The following P2RY14 variants were observed in gnomAD, a reference collection of about 807,000 sequenced individuals.
The protein encoded by P2RY14 is P2Y purinoceptor 14.
Under a neutral mutation model 0.9 loss-of-function variants are expected in P2RY14, and 2 were observed. The ratio of observed to expected loss-of-function variants is 2.16; its 90% CI spans 0.88 to 6.79. The LOEUF is 6.79. Among genes scored for constraint, P2RY14 ranks in the 30% most tolerant of loss-of-function variants. The pLI is 0.05. For synonymous variants in P2RY14, 158 were observed against 147.2 expected (o/e 1.07, Z -0.53); for missense variants, 378 against 400.1 (o/e 0.94, Z 0.47).
intron 1 of P2RY14, among the ~76,000 whole-genome samples, chr3:151,268,958 G>A (rs1170349265): frequency 1.3e-5 from 2 of 152,178 alleles, no homozygotes. Flanking sequence ...CGAGAAAGAA[G>A]AATTGTGGTC....
intron 1 of P2RY14, among the ~76,000 whole-genome samples, chr3:151,246,061 A>G (rs1180111918): frequency 1.3e-5 from 2 of 151,800 alleles, no homozygotes; most frequent in Non-Finnish European, 2.9e-5. Context: ...TCCAACTTAC[A>G]AGGGATGTGA....
intron 1 of P2RY14, among the ~76,000 whole-genome samples, chr3:151,251,292 T>G (rs933673805): frequency 1.3e-5 from 2 of 152,170 alleles, no homozygotes; most frequent in African/African-American, 4.8e-5. Context: ...TCTCAATTTG[T>G]GATAATACCA....
At chr3:151,227,064 G>C (rs1345533593) in intron 1 of P2RY14, among the ~76,000 whole-genome samples, 1 of 152,312 alleles carries the variant, frequency 6.6e-6, no homozygotes, top group South Asian at 2.1e-4. Context: ...GTGAGCTCAA[G>C]ATCAGGTCAC....
chr3:151,238,058 G>T (rs755929713), intron 1 of P2RY14, among the ~76,000 whole-genome samples: 1 of 151,960 alleles, frequency 6.6e-6, no homozygotes, highest in Admixed American at 6.6e-5. Context: ...TCAAATTATC[G>T]TTTTTTTCTT....
In P2RY14 at chr3:151,277,039, G is replaced by A. The variant is rs527861947; in HGVS notation, c.-133+1248C>T. Among the ~76,000 whole-genome samples, 8 of 152,212 alleles carry A rather than the reference G, an allele frequency of 5.3e-5. No homozygotes were observed. In the East Asian group the frequency reaches 1.5e-3, roughly 29 times the overall value. On this transcript the variant is annotated intron_variant, in intron 1 of 2. Coordinates refer to ENST00000309170, the MANE Select transcript of P2RY14 (RefSeq NM_014879.4). ...AGCCTCCTGAGTACCTGGGATTACA[G>A]GCATGCACCACTACCACCCAGCTAA...
intron 1 of P2RY14, among the ~76,000 whole-genome samples, chr3:151,239,698 C>T (rs1368670933): frequency 6.6e-6 from 1 of 152,102 alleles, no homozygotes; most frequent in African/African-American, 2.4e-5. Flanking sequence ...AAAAGGGATC[C>T]TGAGACCAAA....
intron 1 of P2RY14, among the ~76,000 whole-genome samples, chr3:151,252,780 C>G (rs1737093375): frequency 1.3e-5 from 2 of 152,062 alleles, no homozygotes; most frequent in Non-Finnish European, 2.9e-5. Flanking sequence ...AACTTATCTA[C>G]TAACTAGATA....
At chr3:151,269,815 A>C in intron 1 of P2RY14, 1 of 430,924 alleles carries the variant, frequency 2.3e-6, no homozygotes, top group South Asian at 1.7e-5. Flanking sequence ...AAAGGATATA[A>C]TGAAAACGTT....
chr3:151,234,455 A>G (rs1313707191), intron 1 of P2RY14, among the ~76,000 whole-genome samples: 2 of 152,234 alleles, frequency 1.3e-5, no homozygotes, highest in Non-Finnish European at 2.9e-5. Context: ...AAAATATTGC[A>G]TCCTACTGAA....
At chr3:151,225,958 C>A (rs894118541) in intron 1 of P2RY14, among the ~76,000 whole-genome samples, 1 of 152,160 alleles carries the variant, frequency 6.6e-6, no homozygotes, top group Non-Finnish European at 1.5e-5. Context: ...CTCCTGTGTA[C>A]CCCTGATATT....
intron 1 of P2RY14, among the ~76,000 whole-genome samples, chr3:151,266,177 T>G (rs923679054): frequency 2.6e-5 from 4 of 152,234 alleles, no homozygotes; most frequent in Non-Finnish European, 4.4e-5. Flanking sequence ...TGCTGCTGCC[T>G]CTGTGCCTTT....
In P2RY14 at chr3:151,213,747, G is replaced by A. The variant is rs372538175; in HGVS notation, c.570C>T (p.Ile190=). The A allele has an allele frequency of 6.2e-7, 1 of 1,614,042 alleles. No homozygotes were observed. The highest frequency in any genetic ancestry group is 8.5e-7 in the Non-Finnish European group (1 of 1,179,988). Residue 190 remains isoleucine (I), a synonymous_variant, in exon 3 of 3, where the codon ATC becomes ATT. Coordinates refer to ENST00000309170, the MANE Select transcript of P2RY14 (RefSeq NM_014879.4). ...GRKWHKASNY[I]FVAIFWIVFL... ...ACACAATCCAGAAGATGGCCACGAA[G>A]ATGTAGTTTGATGCTTTGTGCCACT... is the stretch of plus-strand genomic sequence containing the variant.
rs1224681664 is a variant in P2RY14 at position 151,213,766 on chromosome 3, T to G, written c.551A>C (p.His184Pro). ...CACGAAGATGTAGTTTGATGCTTTGTGCCACTTCCGTCCCAGTTCACTTTT... is the reference window on the plus strand; with the variant it reads ...CACGAAGATGTAGTTTGATGCTTTGGGCCACTTCCGTCCCAGTTCACTTTT... ...ELKSELGRKW[H>P]KASNYIFVAI... The change falls in exon 3 of 3, where the codon CAC (histidine) becomes CCC (proline). Residue 184 changes from histidine to proline, a missense_variant. Transcript: ENST00000309170. The G allele has an allele frequency of 6.2e-7, 1 of 1,614,080 alleles. No individual in the cohort carries two copies. Among genetic ancestry groups the G allele is most frequent in the Non-Finnish European group, 8.5e-7 (1 of 1,180,020 alleles).
chr3:151,257,083 G>T (rs10212582), intron 1 of P2RY14, among the ~76,000 whole-genome samples: 74,393 of 151,848 alleles, frequency 0.49, 18,351 homozygotes, highest in Middle Eastern at 0.62. Flanking sequence ...AAATGGTGTA[G>T]TTTTAAAAAG....
In P2RY14 at chr3:151,213,780, C is replaced by T; in HGVS notation, c.537G>A (p.Leu179=). Residue 179 remains leucine (L), a synonymous_variant, in exon 3 of 3, where the codon CTG becomes CTA. Coordinates refer to ENST00000309170, the MANE Select transcript of P2RY14 (RefSeq NM_014879.4). ...QIKCIELKSE[L]GRKWHKASNY... Reference sequence around the variant, plus strand: ...TTGATGCTTTGTGCCACTTCCGTCCCAGTTCACTTTTCAGTTCTATACATT... The same window carrying T: ...TTGATGCTTTGTGCCACTTCCGTCCTAGTTCACTTTTCAGTTCTATACATT... The T allele has an allele frequency of 6.2e-7, 1 of 1,614,182 alleles. No homozygotes were observed. Among genetic ancestry groups the T allele is most frequent in the Non-Finnish European group, 8.5e-7 (1 of 1,180,020 alleles).
Position 151,213,818 on chromosome 3 carries a change from C to T in P2RY14, c.499G>A (p.Val167Ile), listed in dbSNP as rs1727627803. ...AGTTCTATACATTTTATTTGTGTAA[C>T]CTCCCTAACACTCTGGTTGGTGAGA... ...IILTNQSVRE[V>I]TQIKCIELKS... Residue 167 changes from valine to isoleucine, a missense_variant, in exon 3 of 3, where the codon GTT becomes ATT. Val to Ile is a conservative substitution (Grantham distance 29, BLOSUM62 3). Transcript: ENST00000309170. 6.2e-7 allele frequency: 1 copy of T among 1,614,160 alleles called. No individual in the cohort carries two copies. Among genetic ancestry groups the T allele is most frequent in the Non-Finnish European group, 8.5e-7 (1 of 1,180,020 alleles).
At chr3:151,238,931 A>T (rs183490598) in intron 1 of P2RY14, among the ~76,000 whole-genome samples, 15 of 152,310 alleles carry the variant, frequency 9.8e-5, no homozygotes, top group African/African-American at 3.6e-4. Flanking sequence ...ACAAACTAAT[A>T]ATTGTACTTG....
intron 1 of P2RY14, among the ~76,000 whole-genome samples, chr3:151,246,060 C>G (rs1235026714): frequency 6.6e-6 from 1 of 151,638 alleles, no homozygotes; most frequent in Admixed American, 6.6e-5. Flanking sequence ...ATCCAACTTA[C>G]AAGGGATGTG....
intron 1 of P2RY14, among the ~76,000 whole-genome samples, chr3:151,248,365 A>G (rs1169984686): frequency 1.3e-5 from 2 of 152,174 alleles, no homozygotes; most frequent in Non-Finnish European, 2.9e-5. Context: ...GCTGCCTTGC[A>G]TGAAGTATTT....
Sources: gnomAD v4.1 joint callset for allele counts (sites outside exome capture counted in the v4.1 genomes callset) on GRCh38, gnomAD v4.1.1 for gene constraint, MANE v1.5 for transcripts, NCBI Gene and HGNC (gene_info 2026-07-23, HGNC 2026-07-21) for gene names.